The following FSTL5 variants were observed in gnomAD, a reference collection of about 807,000 sequenced individuals.
FSTL5 encodes the protein follistatin-related protein 5.
Under a neutral mutation model 89.1 loss-of-function variants are expected in FSTL5, and 62 were observed. That is an observed-to-expected ratio of 0.70 (90% CI 0.57 to 0.86). FSTL5 has a LOEUF of 0.86. Among genes scored for constraint, FSTL5 ranks in the 40% least tolerant of loss-of-function variants. The probability of loss-of-function intolerance (pLI) is 0.00; values close to 1 mark genes in which losing one functional copy is unlikely to be tolerated. For missense variants in FSTL5, 1,057 were observed against 1,001.6 expected (o/e 1.06, Z -0.75); for synonymous variants, 383 against 346.2 (o/e 1.11, Z -1.18).
chr4:161,831,791 TA>T (rs1372674522), intron 4 of FSTL5, among the ~76,000 whole-genome samples: 12 of 151,674 alleles, frequency 7.9e-5, no homozygotes, highest in African/African-American at 2.9e-4. Context: ...CATAATAATA[TA>T]TAACAGCATA....
chr4:161,924,593 G>C (rs1029049883), intron 3 of FSTL5, among the ~76,000 whole-genome samples: 1 of 151,656 alleles, frequency 6.6e-6, no homozygotes, highest in Non-Finnish European at 1.5e-5. Context: ...TAAGTAGAGA[G>C]ACTAAGATTT....
intron 2 of FSTL5, among the ~76,000 whole-genome samples, chr4:162,083,925 G>A (rs1169047120): frequency 6.6e-6 from 1 of 151,774 alleles, no homozygotes; most frequent in African/African-American, 2.4e-5. Context: ...AATATTTGAT[G>A]TGAGAACAAG....
intron 7 of FSTL5, among the ~76,000 whole-genome samples, chr4:161,624,772 C>G (rs1735256968): frequency 6.6e-6 from 1 of 151,998 alleles, no homozygotes; most frequent in Non-Finnish European, 1.5e-5. Flanking sequence ...ATTACCTTTT[C>G]TAATATATTT....
rs1203954170 is a variant in FSTL5, at chr4:161,554,894, T to C, written c.1016-12201A>G. 2.0e-5 allele frequency among the ~76,000 whole-genome samples: 3 copies of C among 151,688 alleles called. No homozygotes were observed. In the Admixed American group the frequency reaches 2.0e-4, roughly 10 times the overall value. Reference sequence around the variant, plus strand: ...ATGAAAAATTACAGACTCGGTTTAATAAATATTTTAAATGCTACTGAGCTT... The same window carrying C: ...ATGAAAAATTACAGACTCGGTTTAACAAATATTTTAAATGCTACTGAGCTT... On this transcript the variant is annotated intron_variant, in intron 8 of 15. Coordinates refer to ENST00000306100, the MANE Select transcript of FSTL5 (RefSeq NM_020116.5).
chr4:162,065,476 A>C (rs766895315), intron 2 of FSTL5, among the ~76,000 whole-genome samples: 3 of 152,076 alleles, frequency 2.0e-5, no homozygotes, highest in Non-Finnish European at 2.9e-5. Context: ...ACTAATCATC[A>C]GATAAATACC....
intron 3 of FSTL5, among the ~76,000 whole-genome samples, chr4:161,992,496 CA>C (rs1736140115): frequency 2.6e-5 from 4 of 151,908 alleles, no homozygotes; most frequent in African/African-American, 9.7e-5. Context: ...AAGGGAAAGA[CA>C]GGGGGAGGAG....
intron 2 of FSTL5, among the ~76,000 whole-genome samples, chr4:162,108,873 T>A (rs1034929699): frequency 1.3e-5 from 2 of 152,020 alleles, no homozygotes; most frequent in Non-Finnish European, 2.9e-5. Context: ...TCGCCATAAT[T>A]TATTGAACGT....
intron 13 of FSTL5, among the ~76,000 whole-genome samples, chr4:161,471,956 A>G (rs1239764650): frequency 1.3e-5 from 2 of 149,882 alleles, no homozygotes; most frequent in Non-Finnish European, 1.5e-5. Context: ...CCATCTAGCT[A>G]ATAGCTTGTC....
intron 1 of FSTL5, among the ~76,000 whole-genome samples, chr4:162,146,752 T>TTCTCTCTCTCTCTCTC (rs373161292): frequency 5.1e-5 from 6 of 117,940 alleles, no homozygotes; most frequent in South Asian, 2.8e-4. Context: ...TCTTTCTCCT[T>TTCTCTCTCTCTCTCTC]TCTCTCTCTC....
chr4:162,105,205 A>G (rs1731172987), intron 2 of FSTL5, among the ~76,000 whole-genome samples: 1 of 152,024 alleles, frequency 6.6e-6, no homozygotes, highest in Non-Finnish European at 1.5e-5. Flanking sequence ...TTTACCATTT[A>G]TTTTCTTTCT....
intron 10 of FSTL5, among the ~76,000 whole-genome samples, chr4:161,526,738 T>C (rs1456645545): frequency 6.6e-6 from 1 of 152,214 alleles, no homozygotes; most frequent in African/African-American, 2.4e-5. Context: ...CTCAGGTTTG[T>C]CAAAAATCAG....
At chr4:161,603,343 A>C (rs2126627495) in intron 7 of FSTL5, among the ~76,000 whole-genome samples, 1 of 152,302 alleles carries the variant, frequency 6.6e-6, no homozygotes, top group South Asian at 2.1e-4. Context: ...CATTACGTTT[A>C]AAAATAAGGA....
intron 4 of FSTL5, among the ~76,000 whole-genome samples, chr4:161,848,053 A>AC (rs1731429710): frequency 6.7e-6 from 1 of 150,176 alleles, no homozygotes; most frequent in South Asian, 2.1e-4. Context: ...AAAAAAAAAA[A>AC]AAAAAAAAAC....
At chr4:162,016,024 T>C (rs1736906818) in intron 3 of FSTL5, among the ~76,000 whole-genome samples, 1 of 152,140 alleles carries the variant, frequency 6.6e-6, no homozygotes, top group South Asian at 2.1e-4. Flanking sequence ...ATACTACTTT[T>C]CTCACAGATA....
intron 3 of FSTL5, among the ~76,000 whole-genome samples, chr4:161,951,334 C>G (rs1734888342): frequency 6.6e-6 from 1 of 152,028 alleles, no homozygotes; most frequent in Admixed American, 6.6e-5. Context: ...TTCTCTTAAC[C>G]CTATTCTCTG....
chr4:161,454,558 A>T (rs1733282066), intron 15 of FSTL5, among the ~76,000 whole-genome samples: 1 of 152,238 alleles, frequency 6.6e-6, no homozygotes, highest in Non-Finnish European at 1.5e-5. Flanking sequence ...AAAAATGATG[A>T]GAGTGAACAA....
At chr4:161,403,697 T>C (rs373524111) in intron 15 of FSTL5, among the ~76,000 whole-genome samples, 2 of 152,152 alleles carry the variant, frequency 1.3e-5, no homozygotes, top group African/African-American at 2.4e-5. Flanking sequence ...AAAAATCATA[T>C]GCCAAAAATA....
intron 1 of FSTL5, among the ~76,000 whole-genome samples, chr4:162,153,212 G>T (rs1314821704): frequency 2.0e-5 from 3 of 152,142 alleles, no homozygotes; most frequent in Middle Eastern, 3.4e-3. Flanking sequence ...CTAATGTCAT[G>T]TCTTCTCAGT....
At chr4:162,041,266 C>A (rs962619) in intron 2 of FSTL5, among the ~76,000 whole-genome samples, 9,830 of 148,034 alleles carry the variant, frequency 0.066, 424 homozygotes, top group East Asian at 0.17. Context: ...CACATTCTGT[C>A]TAGAGGACAT....
Sources: gnomAD v4.1 joint callset for allele counts (sites outside exome capture counted in the v4.1 genomes callset) on GRCh38, gnomAD v4.1.1 for gene constraint, MANE v1.5 for transcripts, NCBI Gene and HGNC (gene_info 2026-07-23, HGNC 2026-07-21) for gene names.